The following AGO2 variants were observed in gnomAD, a reference collection of about 807,000 sequenced individuals.
AGO2 encodes the protein argonaute RISC catalytic component 2.
Under a neutral mutation model 102.3 loss-of-function variants are expected in AGO2, and 5 were observed. That is an observed-to-expected ratio of 0.05 (90% CI 0.03 to 0.10). The LOEUF (loss-of-function observed/expected upper bound fraction) is 0.10. Ranked by LOEUF, AGO2 falls within the 10% of genes least tolerant of loss-of-function variation. The pLI is 1.00. For missense variants in AGO2, 541 were observed against 1,183.7 expected (o/e 0.46, Z 7.97); for synonymous variants, 449 against 473.1 (o/e 0.95, Z 0.66).
chr8:140,613,727 A>C (rs1192309664), intron 1 of AGO2, among the ~76,000 whole-genome samples: 1 of 152,094 alleles, frequency 6.6e-6, no homozygotes, highest in Non-Finnish European at 1.5e-5. Flanking sequence ...CACTATAAAG[A>C]ACAGCTGGCC....
rs2073221084 is a variant in AGO2 at position 140,562,593 on chromosome 8, G to A, written c.378C>T (p.Arg126=). ...CCCACTTGATGGACACCTTGAAGAT[G>A]CGATCCTTGCCTTCTCCTGGCAGCG... ...EVTLPGEGKD[R]IFKVSIKWVS... Residue 126 remains arginine, a synonymous_variant, in exon 4 of 19, where the codon CGC becomes CGT. Transcript: ENST00000220592. 6.2e-7 allele frequency: 1 copy of A among 1,614,006 alleles called. No homozygotes were observed. Among genetic ancestry groups the A allele is most frequent in the Non-Finnish European group, 8.5e-7 (1 of 1,180,008 alleles).
intron 1 of AGO2, among the ~76,000 whole-genome samples, chr8:140,601,398 C>T (rs2073932150): frequency 6.6e-6 from 1 of 152,206 alleles, no homozygotes; most frequent in African/African-American, 2.4e-5. Context: ...ACAGCGCTTG[C>T]CACCTGGCAC....
At chr8:140,629,091 AAAAT>A (rs370612467) in intron 1 of AGO2, among the ~76,000 whole-genome samples, 12 of 152,062 alleles carry the variant, frequency 7.9e-5, no homozygotes, top group African/African-American at 2.9e-4. Flanking sequence ...ACTCTGTCTC[AAAAT>A]AAATAAATAA....
rs766327481 is a variant in AGO2, at chr8:140,532,033, A to T, written c.*11T>A. 1.9e-6 allele frequency: 3 copies of T among 1,613,396 alleles called. No homozygotes were observed. Among genetic ancestry groups the T allele is most frequent in the African/African-American group, 2.7e-5 (2 of 74,890 alleles). ...CCCACTCGGTACACAATCGCTAAACACTAAAACATGTCAAGCAAAGTACAT... is the reference window on the plus strand; with the variant it reads ...CCCACTCGGTACACAATCGCTAAACTCTAAAACATGTCAAGCAAAGTACAT... On this transcript the variant is annotated 3_prime_UTR_variant, in exon 19 of 19. Coordinates refer to ENST00000220592, the MANE Select transcript of AGO2 (RefSeq NM_012154.5).
At chr8:140,639,851 C>T (rs1047387327), upstream of AGO2, among the ~76,000 whole-genome samples, 4 of 152,144 alleles carry the variant, frequency 2.6e-5, no homozygotes, top group Admixed American at 2.6e-4. Context: ...GCCAGCTGGG[C>T]CCCCTTTGCA....
intron 1 of AGO2, among the ~76,000 whole-genome samples, chr8:140,610,094 A>ACTT (rs971995068): frequency 6.6e-6 from 1 of 151,386 alleles, no homozygotes; most frequent in African/African-American, 2.4e-5. Context: ...AATCCCAGCT[A>ACTT]CTTGAGAGGC....
At chr8:140,617,823 C>G (rs1358882427) in intron 1 of AGO2, among the ~76,000 whole-genome samples, 1 of 151,268 alleles carries the variant, frequency 6.6e-6, no homozygotes, top group Non-Finnish European at 1.5e-5. Context: ...TTGAGAGCAG[C>G]CTGGACAACA....
intron 2 of AGO2, among the ~76,000 whole-genome samples, chr8:140,576,697 T>C (rs1315015018): frequency 1.3e-5 from 2 of 152,198 alleles, no homozygotes; most frequent in Non-Finnish European, 2.9e-5. Context: ...GTGGTTTCAG[T>C]GTCTATTTAC....
At chr8:140,587,881 CA>C (rs1273596453) in intron 1 of AGO2, among the ~76,000 whole-genome samples, 4 of 152,170 alleles carry the variant, frequency 2.6e-5, no homozygotes, top group Admixed American at 1.3e-4. Context: ...AAGAAGATGC[CA>C]CCACACTGGC....
chr8:140,623,624 T>C (rs915500570), intron 1 of AGO2, among the ~76,000 whole-genome samples: 3 of 152,056 alleles, frequency 2.0e-5, no homozygotes, highest in Non-Finnish European at 4.4e-5. Context: ...CCCCCTGATG[T>C]GGCCATGCTT....
At chr8:140,534,176 G>A (rs1175655085) in intron 17 of AGO2, among the ~76,000 whole-genome samples, 2 of 152,238 alleles carry the variant, frequency 1.3e-5, no homozygotes, top group Non-Finnish European at 2.9e-5. Flanking sequence ...TGTCACAGGG[G>A]CCCAGGGGAG....
intron 1 of AGO2, among the ~76,000 whole-genome samples, chr8:140,631,408 G>A (rs2074340179): frequency 6.6e-6 from 1 of 151,996 alleles, no homozygotes; most frequent in South Asian, 2.1e-4. Flanking sequence ...CGGACATGGT[G>A]GCTTAGTCCC....
chr8:140,596,354 C>T (rs530367911), intron 1 of AGO2, among the ~76,000 whole-genome samples: 4 of 152,256 alleles, frequency 2.6e-5, no homozygotes, highest in East Asian at 1.9e-4. Flanking sequence ...GAGGCCAAGG[C>T]GGGTAGACCA....
chr8:140,585,173 A>C lies in AGO2; in HGVS notation c.161T>G (p.Ile54Ser), dbSNP rs754469004. 1 of 1,614,144 alleles carries C rather than the reference A, an allele frequency of 6.2e-7. No individual in the cohort carries two copies. The highest frequency in any genetic ancestry group is 8.5e-7 in the Non-Finnish European group (1 of 1,180,032). Residue 54 changes from isoleucine to serine, a missense_variant, in exon 2 of 19, where the codon ATC (isoleucine) becomes AGC (serine). Ile to Ser is a moderately radical substitution (Grantham distance 142). This residue lies in a region of AGO2 where 147 missense variants were observed against 204.1 expected (regional missense o/e 0.72). Transcript: ENST00000220592. ...CTTGATATCCAATTCATAATGATAG[A>C]TGTCAATTTTGGGGATGTCCATTTC... is the stretch of plus-strand genomic sequence containing the variant. ...FFEMDIPKIDIYHYELDIKPE... is the reference protein window; with the variant it reads ...FFEMDIPKIDSYHYELDIKPE...
chr8:140,626,892 G>A (rs1200376520), intron 1 of AGO2: 1 of 152,276 alleles, frequency 6.6e-6, no homozygotes, highest in Non-Finnish European at 1.5e-5. Flanking sequence ...CAGCCTGAGG[G>A]GCAGGGAGGC....
chr8:140,581,577 C>T (rs767790068), intron 2 of AGO2, among the ~76,000 whole-genome samples: 4 of 151,966 alleles, frequency 2.6e-5, no homozygotes, highest in Non-Finnish European at 5.9e-5. Flanking sequence ...TCTAGGAGTA[C>T]CCCCTAAATC....
At chr8:140,631,908 A>G (rs1034011724) in intron 1 of AGO2, among the ~76,000 whole-genome samples, 3 of 152,234 alleles carry the variant, frequency 2.0e-5, no homozygotes, top group Non-Finnish European at 4.4e-5. Context: ...AAGCTTCCTA[A>G]TGGATAAATG....
At chr8:140,640,144 G>A (rs1231991298), upstream of AGO2, among the ~76,000 whole-genome samples, 2 of 152,136 alleles carry the variant, frequency 1.3e-5, no homozygotes, top group Non-Finnish European at 2.9e-5. Context: ...CAGCAGCTGG[G>A]ATTACAGGCG....
chr8:140,583,028 C>A lies in AGO2; in HGVS notation c.215+2091G>T, dbSNP rs946911687. 2.6e-5 allele frequency among the ~76,000 whole-genome samples: 4 copies of A among 152,296 alleles called. No homozygotes were observed. In the South Asian group the frequency reaches 8.3e-4, roughly 32 times the overall value. The stretch of plus-strand genomic sequence containing the variant: ...TAGTCAGGGACCAGGTGGGGATCTG[C>A]CCCCAGTGTGGGTAGTGCCATCCAA... On this transcript the variant is annotated intron_variant, in intron 2 of 18. Transcript: ENST00000220592.
Sources: gnomAD v4.1 joint callset for allele counts (sites outside exome capture counted in the v4.1 genomes callset) on GRCh38, gnomAD v4.1.1 for gene constraint, gnomAD v4.1.1 regional missense constraint, MANE v1.5 for transcripts, NCBI Gene and HGNC (gene_info 2026-07-23, HGNC 2026-07-21) for gene names.